The following TBC1D14 variants were observed in gnomAD, a reference collection of about 807,000 sequenced individuals.
TBC1D14 encodes TBC1 domain family, member 14.
TBC1D14 carries 26 observed loss-of-function variants against 79.0 expected under a neutral mutation model. That is an observed-to-expected ratio of 0.33 (90% CI 0.24 to 0.46). The LOEUF is 0.46. TBC1D14 is among the 20% of genes least tolerant of loss of function. The pLI is 1.00. For synonymous variants in TBC1D14, 394 were observed against 349.9 expected, an observed-to-expected ratio of 1.13 and a Z score of -1.40; for missense variants, 769 against 887.6, an observed-to-expected ratio of 0.87 and a Z score of 1.70.
At chr4:6,913,756 T>C (rs1723181850) in intron 1 of TBC1D14, among the ~76,000 whole-genome samples, 1 of 152,252 alleles carries the variant, frequency 6.6e-6, no homozygotes, top group African/African-American at 2.4e-5. Context: ...ACTTCACAGC[T>C]ACTTAGGAAA....
chr4:6,982,384 C>T (rs1485678601), intron 3 of TBC1D14, among the ~76,000 whole-genome samples: 1 of 152,134 alleles, frequency 6.6e-6, no homozygotes, highest in East Asian at 1.9e-4. Context: ...GTATCACATA[C>T]TTGAAAAGAC....
chr4:6,950,056 C>T (rs563733644), intron 2 of TBC1D14, among the ~76,000 whole-genome samples: 1 of 152,250 alleles, frequency 6.6e-6, no homozygotes, highest in African/African-American at 2.4e-5. Context: ...AATGCTCCCT[C>T]TCCCCGTGCT....
chr4:6,940,296 C>T (rs906616928), intron 2 of TBC1D14, among the ~76,000 whole-genome samples: 2 of 152,202 alleles, frequency 1.3e-5, no homozygotes, highest in African/African-American at 4.8e-5. Flanking sequence ...GTTGTTCAGC[C>T]CTGGTCTGTG....
At chr4:7,027,834 A>G (rs984805802) in intron 13 of TBC1D14, among the ~76,000 whole-genome samples, 33 of 143,342 alleles carry the variant, frequency 2.3e-4, no homozygotes, top group African/African-American at 8.7e-4. Context: ...CAGTCACCCC[A>G]CACAGGCATA....
At chr4:6,998,324 C>T (rs1221424032) in intron 5 of TBC1D14, among the ~76,000 whole-genome samples, 4 of 150,738 alleles carry the variant, frequency 2.7e-5, no homozygotes, top group Non-Finnish European at 5.9e-5. Flanking sequence ...TGCATCACTG[C>T]ACCCCACCCT....
intron 8 of TBC1D14, among the ~76,000 whole-genome samples, chr4:7,005,751 G>A (rs973619913): frequency 4.6e-5 from 7 of 151,936 alleles, no homozygotes; most frequent in Admixed American, 1.3e-4. Context: ...TTTGTGTCCT[G>A]ACATGCTGGA....
At chr4:6,991,314 G>C (rs1718461915) in intron 3 of TBC1D14, among the ~76,000 whole-genome samples, 1 of 152,190 alleles carries the variant, frequency 6.6e-6, no homozygotes, top group African/African-American at 2.4e-5. Flanking sequence ...TCTGCCAGAG[G>C]CTTGCATGAA....
At chr4:6,987,131 G>A in intron 3 of TBC1D14, 2 of 1,186,778 alleles carry the variant, frequency 1.7e-6, no homozygotes, top group Non-Finnish European at 2.1e-6. Context: ...CCCCTTGGGA[G>A]TCTCCAGCCA....
intron 11 of TBC1D14, among the ~76,000 whole-genome samples, chr4:7,011,576 T>G (rs1428648696): frequency 6.6e-6 from 1 of 152,104 alleles, no homozygotes; most frequent in African/African-American, 2.4e-5. Context: ...TTTGTTTTTT[T>G]GGCAGGGTCT....
chr4:6,935,646 T>C (rs755563941), intron 2 of TBC1D14, among the ~76,000 whole-genome samples: 8 of 113,816 alleles, frequency 7.0e-5, no homozygotes, highest in Non-Finnish European at 1.3e-4. Context: ...TGTGTGAGTG[T>C]ACTTTTTTTT....
intron 12 of TBC1D14, among the ~76,000 whole-genome samples, chr4:7,022,405 G>A (rs1721916776): frequency 6.6e-6 from 1 of 152,272 alleles, no homozygotes; most frequent in Non-Finnish European, 1.5e-5. Context: ...CACTGACTCA[G>A]TGTAAAGGAA....
chr4:7,022,543 A>G (rs1721932845), intron 12 of TBC1D14, among the ~76,000 whole-genome samples: 1 of 152,224 alleles, frequency 6.6e-6, no homozygotes, highest in Admixed American at 6.5e-5. Flanking sequence ...AGCATGTGGG[A>G]AGAGCCTGCA....
intron 3 of TBC1D14, chr4:6,987,514 C>T (rs551800014): frequency 1.8e-6 from 1 of 556,518 alleles, no homozygotes; most frequent in East Asian, 3.5e-5. Context: ...GTGTATCTGT[C>T]CTCAACAGCC....
intron 2 of TBC1D14, among the ~76,000 whole-genome samples, chr4:6,957,010 T>A (rs1714708653): frequency 6.6e-6 from 1 of 152,240 alleles, no homozygotes; most frequent in Non-Finnish European, 1.5e-5. Context: ...TTTGCCTTTC[T>A]TAGGAAAAGT....
At chr4:7,015,326 T>C (rs1229578177) in intron 12 of TBC1D14, among the ~76,000 whole-genome samples, 1 of 151,868 alleles carries the variant, frequency 6.6e-6, no homozygotes, top group Non-Finnish European at 1.5e-5. Context: ...CGTGGAAATA[T>C]TGTGGGTATG....
At position 7,014,470 on chromosome 4, in the gene TBC1D14, T is replaced by A; in HGVS notation, c.1670T>A (p.Phe557Tyr). 1 of 1,613,694 alleles carries A rather than the reference T, an allele frequency of 6.2e-7. No homozygotes were observed. The highest frequency in any genetic ancestry group is 8.5e-7 in the Non-Finnish European group (1 of 1,179,616). Residue 557 changes from phenylalanine to tyrosine, a missense_variant, in exon 12 of 14, where the codon TTT becomes TAT. By Grantham distance (22) the Phe-to-Tyr change is conservative (BLOSUM62 3). This residue lies in a region of TBC1D14 where 367 missense variants were observed against 494.4 expected (regional missense o/e 0.74). Coordinates refer to ENST00000409757, the MANE Select transcript of TBC1D14 (RefSeq NM_020773.3). ...TAGATGTTGACTTATTTTGCTGCATTTGAAGTATTCTTTGAAGAAAATTTG... is the reference window on the plus strand; with the variant it reads ...TAGATGTTGACTTATTTTGCTGCATATGAAGTATTCTTTGAAGAAAATTTG... ...HGLMLTYFAAFEVFFEENLPK... is the reference protein window; with the variant it reads ...HGLMLTYFAAYEVFFEENLPK...
chr4:6,990,115 A>T (rs910469308), intron 3 of TBC1D14, among the ~76,000 whole-genome samples: 1 of 152,334 alleles, frequency 6.6e-6, no homozygotes, highest in East Asian at 1.9e-4. Flanking sequence ...GTGACCAATC[A>T]AACTGATCTG....
At chr4:6,938,807 C>G (rs1239088411) in intron 2 of TBC1D14, among the ~76,000 whole-genome samples, 1 of 152,228 alleles carries the variant, frequency 6.6e-6, no homozygotes, top group Non-Finnish European at 1.5e-5. Flanking sequence ...GTCACCACAG[C>G]TGTGCAGGGG....
chr4:6,932,947 C>T (rs758825201), intron 2 of TBC1D14, among the ~76,000 whole-genome samples: 6 of 152,102 alleles, frequency 3.9e-5, no homozygotes, highest in Non-Finnish European at 8.8e-5. Context: ...GCTGTGTCCC[C>T]GTCCCAGTCT....
Sources: gnomAD v4.1 joint callset for allele counts (sites outside exome capture counted in the v4.1 genomes callset) on GRCh38, gnomAD v4.1.1 for gene constraint, gnomAD v4.1.1 regional missense constraint, MANE v1.5 for transcripts, NCBI Gene and HGNC (gene_info 2026-07-23, HGNC 2026-07-21) for gene names.